The following NEDD4L variants were observed in gnomAD, a reference collection of about 807,000 sequenced individuals.
NEDD4L encodes the protein E3 ubiquitin-protein ligase NEDD4-like.
In NEDD4L, 54 loss-of-function variants were observed where a neutral mutation model predicts 148.9. The ratio of observed to expected loss-of-function variants is 0.36; its 90% CI spans 0.29 to 0.45. NEDD4L has a LOEUF of 0.45. Ranked by LOEUF, NEDD4L falls within the 20% of genes least tolerant of loss-of-function variation. The pLI is 1.00. For missense variants in NEDD4L, 856 were observed against 1,233.8 expected, an observed-to-expected ratio of 0.69 and a Z score of 4.59; for synonymous variants, 433 against 440.7, an observed-to-expected ratio of 0.98 and a Z score of 0.22.
intron 1 of NEDD4L, among the ~76,000 whole-genome samples, chr18:58,056,894 C>CTTTTTTTTTTTTTTTTTTTTTTTT (rs74183230): frequency 4.1e-5 from 5 of 121,596 alleles, no homozygotes; most frequent in Non-Finnish European, 6.7e-5. Flanking sequence ...GCTATGCCCT[C>CTTTTTTTTTTTTTTTTTTTTTTTT]TTTTTTTTTT....
At chr18:58,090,624 T>A (rs1461148495) in intron 1 of NEDD4L, among the ~76,000 whole-genome samples, 1 of 152,152 alleles carries the variant, frequency 6.6e-6, no homozygotes, top group Non-Finnish European at 1.5e-5. Flanking sequence ...ACTGCAGGTG[T>A]GCACCACCAC....
chr18:58,169,989 AT>A (rs1411988517), intron 2 of NEDD4L, among the ~76,000 whole-genome samples: 4 of 152,084 alleles, frequency 2.6e-5, no homozygotes, highest in African/African-American at 4.8e-5. Context: ...CTAGGATTCT[AT>A]TTTATTTATT....
intron 1 of NEDD4L, among the ~76,000 whole-genome samples, chr18:58,069,626 T>C (rs917517353): frequency 6.6e-6 from 1 of 152,224 alleles, no homozygotes; most frequent in Non-Finnish European, 1.5e-5. Flanking sequence ...TGAGTAACAC[T>C]GATACTGAGT....
rs116370416 is a variant in NEDD4L at position 58,137,461 on chromosome 18, G to A, written c.49-28327G>A. On this transcript the variant is annotated intron_variant, in intron 1 of 30. Coordinates refer to ENST00000400345, the MANE Select transcript of NEDD4L (RefSeq NM_001144967.3). ...TGGGTGTGAGGACCAGCACCAGTGG[G>A]GAGTGGGTTTATTAGCTGGGAAAGG... Among the ~76,000 whole-genome samples the A allele has an allele frequency of 3.6e-3, 548 of 152,282 alleles. 4 individuals carry two copies. The highest frequency in any genetic ancestry group is 0.013 in the African/African-American group (522 of 41,552).
intron 1 of NEDD4L, among the ~76,000 whole-genome samples, chr18:58,123,838 C>A (rs1156806578): frequency 6.6e-6 from 1 of 152,186 alleles, no homozygotes; most frequent in Non-Finnish European, 1.5e-5. Context: ...GCTTCCCCAG[C>A]TCCTGTCTCA....
At chr18:58,163,154 T>C (rs1250960579) in intron 1 of NEDD4L, among the ~76,000 whole-genome samples, 1 of 152,152 alleles carries the variant, frequency 6.6e-6, no homozygotes, top group Non-Finnish European at 1.5e-5. Context: ...CGTAGCGCAC[T>C]GCAGCCTTGA....
chr18:58,276,549 C>T (rs192014650), intron 5 of NEDD4L, among the ~76,000 whole-genome samples: 1 of 152,098 alleles, frequency 6.6e-6, no homozygotes, highest in East Asian at 1.9e-4. Flanking sequence ...AACCTGGTGA[C>T]TTAACTTTTC....
intron 2 of NEDD4L, among the ~76,000 whole-genome samples, chr18:58,231,583 G>A (rs1306291166): frequency 2.0e-5 from 3 of 152,092 alleles, no homozygotes; most frequent in Non-Finnish European, 2.9e-5. Flanking sequence ...TTTGTTTTGA[G>A]ACAGAGTCTC....
Position 58,341,053 on chromosome 18 carries a change from G to A in NEDD4L, c.1141G>A (p.Val381Ile). The A allele has an allele frequency of 6.2e-7, 1 of 1,610,202 alleles. No individual in the cohort carries two copies. The highest frequency in any genetic ancestry group is 1.7e-4 in the Middle Eastern group (1 of 6,058). Residue 381 changes from valine (V) to isoleucine (I), a missense_variant, in exon 14 of 31, where the codon GTA becomes ATA. Physicochemically the swap from Val to Ile is conservative, Grantham distance 29 (BLOSUM62 3). Coordinates refer to ENST00000400345, the MANE Select transcript of NEDD4L (RefSeq NM_001144967.3). ...GCACAAACAGCCATCAGTGGCCTAT[G>A]TACATACCACGCCGGGTCTGCCTTC... ...GEEPTPSVAY[V>I]HTTPGLPSGW...
At chr18:58,190,287 C>T (rs966015970) in intron 2 of NEDD4L, among the ~76,000 whole-genome samples, 1 of 151,894 alleles carries the variant, frequency 6.6e-6, no homozygotes, top group Non-Finnish European at 1.5e-5. Context: ...TGTCATATAC[C>T]TAAAGAATTA....
intron 1 of NEDD4L, among the ~76,000 whole-genome samples, chr18:58,080,035 C>T (rs2083353548): frequency 6.6e-6 from 1 of 152,146 alleles, no homozygotes; most frequent in Non-Finnish European, 1.5e-5. Flanking sequence ...TCGAGCCATC[C>T]TCTCACCTCC....
Position 58,070,896 on chromosome 18 carries a change from T to G in NEDD4L, c.48+26188T>G, listed in dbSNP as rs576436879. ...TAGTTCCTGAAAATCACTAATCAGA[T>G]AGCAACAAAACAAACCCTGGGATGG... is the stretch of plus-strand genomic sequence containing the variant. On this transcript the variant is annotated intron_variant, in intron 1 of 30. Coordinates refer to ENST00000400345, the MANE Select transcript of NEDD4L (RefSeq NM_001144967.3). Among the ~76,000 whole-genome samples, 33 of 152,278 alleles carry G rather than the reference T, an allele frequency of 2.2e-4. No individual in the cohort carries two copies. In the South Asian group the frequency reaches 6.0e-3, roughly 28 times the overall value.
At chr18:58,265,820 T>C (rs964407393) in intron 5 of NEDD4L, among the ~76,000 whole-genome samples, 11 of 152,092 alleles carry the variant, frequency 7.2e-5, no homozygotes, top group African/African-American at 1.9e-4. Flanking sequence ...TGCCTTGGCC[T>C]CCCAAAGTGC....
At chr18:58,329,658 A>AT (rs1034872422) in intron 10 of NEDD4L, among the ~76,000 whole-genome samples, 2,911 of 135,532 alleles carry the variant, frequency 0.021, 43 homozygotes, top group Non-Finnish European at 0.032. Flanking sequence ...ACAATGGCTA[A>AT]TTTTTTTTTT....
chr18:58,367,641 T>A (rs1051678086), intron 21 of NEDD4L, 105 bp from the exon 22 acceptor site: 2 of 1,243,558 alleles, frequency 1.6e-6, no homozygotes, highest in Non-Finnish European at 2.3e-6. Context: ...AGGTACAGAA[T>A]GCTCGCAGGG....
chr18:58,278,226 AGT>A (rs2052452864), intron 5 of NEDD4L, among the ~76,000 whole-genome samples: 1 of 152,220 alleles, frequency 6.6e-6, no homozygotes, highest in Admixed American at 6.5e-5. Context: ...CGCAATCAAC[AGT>A]GTATGATGTG....
At chr18:58,224,859 C>G (rs2044180690) in intron 2 of NEDD4L, among the ~76,000 whole-genome samples, 1 of 152,080 alleles carries the variant, frequency 6.6e-6, no homozygotes, top group Non-Finnish European at 1.5e-5. Context: ...CTTTTGTTTT[C>G]ACTTGATTTG....
intron 5 of NEDD4L, among the ~76,000 whole-genome samples, chr18:58,279,034 G>A (rs751129876): frequency 2.0e-5 from 3 of 151,898 alleles, no homozygotes; most frequent in Admixed American, 6.6e-5. Flanking sequence ...ACCACATCCA[G>A]CTAATTTTTT....
chr18:58,176,182 G>A (rs892682338), intron 2 of NEDD4L, among the ~76,000 whole-genome samples: 2 of 151,972 alleles, frequency 1.3e-5, no homozygotes, highest in Admixed American at 1.3e-4. Flanking sequence ...AAACTAGACT[G>A]CTTTCTTTCT....
Sources: allele counts gnomAD v4.1 joint callset (sites outside exome capture counted in the v4.1 genomes callset), GRCh38; gene constraint gnomAD v4.1.1; transcripts MANE v1.5; gene names NCBI Gene and HGNC (gene_info 2026-07-23, HGNC 2026-07-21).